The following JPH3 variants were observed in gnomAD, a reference collection of about 807,000 sequenced individuals.
JPH3 encodes the protein junctophilin-3.
JPH3 carries 11 observed loss-of-function variants against 59.6 expected under a neutral mutation model. The ratio of observed to expected loss-of-function variants is 0.18; its 90% CI spans 0.12 to 0.31. JPH3 has a LOEUF of 0.31. JPH3 is among the 10% of genes least tolerant of loss of function. The pLI is 1.00. For missense variants in JPH3, 1,202 were observed against 1,105.7 expected (o/e 1.09, Z -1.24); for synonymous variants, 673 against 483.6 (o/e 1.39, Z -5.14).
intron 1 of JPH3, among the ~76,000 whole-genome samples, chr16:87,613,335 G>T (rs1020002731): frequency 1.3e-5 from 2 of 151,210 alleles, no homozygotes; most frequent in African/African-American, 4.9e-5. Context: ...TCCTGACCTC[G>T]TGAACCGCCC....
intron 1 of JPH3, among the ~76,000 whole-genome samples, chr16:87,631,280 C>A (rs1474792940): frequency 2.0e-5 from 3 of 152,218 alleles, no homozygotes; most frequent in African/African-American, 7.2e-5. Context: ...GGGTGGAGCA[C>A]ATCCTGGAGT....
chr16:87,681,698 G>A (rs1049043877), intron 2 of JPH3, among the ~76,000 whole-genome samples: 1 of 152,128 alleles, frequency 6.6e-6, no homozygotes, highest in African/African-American at 2.4e-5. Context: ...GGTGCATGCG[G>A]TGATTGTTCC....
intron 1 of JPH3, among the ~76,000 whole-genome samples, chr16:87,621,340 G>C (rs1011426285): frequency 6.6e-6 from 1 of 152,158 alleles, no homozygotes; most frequent in East Asian, 1.9e-4. Flanking sequence ...GACGGAGTCC[G>C]GGGGAGGGGG....
At chr16:87,627,360 A>T (rs1215472726) in intron 1 of JPH3, among the ~76,000 whole-genome samples, 1 of 152,204 alleles carries the variant, frequency 6.6e-6, no homozygotes. Flanking sequence ...TATTGTAACG[A>T]TAACAGCAGC....
Position 87,635,726 on chromosome 16 carries a change from C to T in JPH3, c.383-8532C>T, listed in dbSNP as rs144888702. 2.1e-3 allele frequency among the ~76,000 whole-genome samples: 321 copies of T among 152,288 alleles called. 2 individuals carry two copies. Among genetic ancestry groups the T allele is most frequent in the African/African-American group, 7.1e-3 (295 of 41,558 alleles). On this transcript the variant is annotated intron_variant, in intron 1 of 4. Transcript: ENST00000284262. ...TCTGCGAGTCTGTGGTGGTTCTAGT[C>T]GGCGTTTCACGGGCAAGGTTTAGGG... is the stretch of plus-strand genomic sequence containing the variant.
At chr16:87,625,670 C>G (rs2031348349) in intron 1 of JPH3, among the ~76,000 whole-genome samples, 1 of 152,146 alleles carries the variant, frequency 6.6e-6, no homozygotes, top group Non-Finnish European at 1.5e-5. Flanking sequence ...GGGCCTTCAT[C>G]AAGCTGTAAT....
chr16:87,625,262 GGTGACA>G (rs1262609147), intron 1 of JPH3, among the ~76,000 whole-genome samples: 4 of 152,182 alleles, frequency 2.6e-5, no homozygotes, highest in African/African-American at 7.2e-5. Flanking sequence ...GAGGAAGTGG[GGTGACA>G]GTGACAGCTG....
At chr16:87,623,073 T>C (rs2150830263) in intron 1 of JPH3, among the ~76,000 whole-genome samples, 1 of 152,228 alleles carries the variant, frequency 6.6e-6, no homozygotes, top group East Asian at 1.9e-4. Flanking sequence ...GCCCCACAGA[T>C]TCTGAGGCAG....
At chr16:87,642,387 A>C (rs527932518) in intron 1 of JPH3, among the ~76,000 whole-genome samples, 16 of 152,340 alleles carry the variant, frequency 1.1e-4, no homozygotes. Context: ...TGTCCTCTGA[A>C]AAGAGAGGTC....
chr16:87,696,495 G>A, intron 4 of JPH3, 85 bp from the exon 5 acceptor site: 1 of 1,129,226 alleles, frequency 8.9e-7, no homozygotes, highest in Non-Finnish European at 1.3e-6. Context: ...TGCTAGCTTG[G>A]TGAAAAGACG....
chr16:87,692,791 G>A (rs1040323610), intron 4 of JPH3, among the ~76,000 whole-genome samples: 1 of 152,192 alleles, frequency 6.6e-6, no homozygotes, highest in African/African-American at 2.4e-5. Context: ...GGATGGCTGG[G>A]GAGACAGAAG....
rs115040283 is a variant in JPH3, at chr16:87,656,542, T to C, written c.1160+11507T>C. Among the ~76,000 whole-genome samples, 1,469 of 152,300 alleles carry C rather than the reference T, an allele frequency of 9.6e-3. 22 individuals carry two copies. Among genetic ancestry groups the C allele is most frequent in the African/African-American group, 0.034 (1,403 of 41,562 alleles). On this transcript the variant is annotated intron_variant, in intron 2 of 4. Coordinates refer to ENST00000284262, the MANE Select transcript of JPH3 (RefSeq NM_020655.4). The stretch of plus-strand genomic sequence containing the variant: ...ACTCGGCTCAGGGCCGGGCCCAGTT[T>C]CCAGGCTTGATCTTGCAGTGTTTGG...
chr16:87,638,386 G>A (rs1291921012), intron 1 of JPH3, among the ~76,000 whole-genome samples: 4 of 152,310 alleles, frequency 2.6e-5, no homozygotes, highest in East Asian at 1.9e-4. Context: ...TGCCTGGACC[G>A]TGGAGCACAG....
chr16:87,690,891 T>C (rs2033552568), intron 4 of JPH3, among the ~76,000 whole-genome samples: 1 of 152,174 alleles, frequency 6.6e-6, no homozygotes, highest in Non-Finnish European at 1.5e-5. Context: ...GATGACCGCT[T>C]GAGTGTCCTG....
intron 2 of JPH3, among the ~76,000 whole-genome samples, chr16:87,671,328 C>T (rs2033010300): frequency 6.6e-6 from 1 of 152,202 alleles, no homozygotes; most frequent in Admixed American, 6.5e-5. Flanking sequence ...CACACGCCAC[C>T]ACTGCCCTCT....
Position 87,690,490 on chromosome 16 carries a change from C to G in JPH3, c.2130C>G (p.Ser710=), listed in dbSNP as rs145017337. 1 of 1,486,148 alleles carries G rather than the reference C, an allele frequency of 6.7e-7. No homozygotes were observed. The highest frequency in any genetic ancestry group is 8.9e-7 in the Non-Finnish European group (1 of 1,119,448). 92.1% of individuals were successfully genotyped at this position (1,486,148 alleles called of 1,614,324 possible). The change falls in exon 4 of 5, where the codon TCC becomes TCG. Residue 710 remains serine, a synonymous_variant. Transcript: ENST00000284262. Reference sequence around the variant, plus strand: ...AATCCTTGCCTGTCGCTCTAGAGTCCGACGAGGAGAATGGGGATGAGCTCA... The same window carrying G: ...AATCCTTGCCTGTCGCTCTAGAGTCGGACGAGGAGAATGGGGATGAGCTCA... The part of the protein sequence containing the change: ...PQKSLPVALE[S]DEENGDELKS...
At chr16:87,630,614 C>G (rs929359204) in intron 1 of JPH3, among the ~76,000 whole-genome samples, 1 of 152,190 alleles carries the variant, frequency 6.6e-6, no homozygotes, top group Non-Finnish European at 1.5e-5. Context: ...CCTTCCCCTC[C>G]TCCTTAAAAT....
chr16:87,621,269 C>G (rs906983111), intron 1 of JPH3, among the ~76,000 whole-genome samples: 1 of 152,258 alleles, frequency 6.6e-6, no homozygotes, highest in African/African-American at 2.4e-5. Context: ...CCAGTGCCCC[C>G]ATCTGCTCTG....
At chr16:87,677,097 T>C in intron 2 of JPH3, among the ~76,000 whole-genome samples, 1 of 149,938 alleles carries the variant, frequency 6.7e-6, no homozygotes, top group Non-Finnish European at 1.5e-5. Flanking sequence ...AGGTGGAGCT[T>C]ACAGTGAGCT....
Sources: allele counts gnomAD v4.1 joint callset (sites outside exome capture counted in the v4.1 genomes callset), GRCh38; gene constraint gnomAD v4.1.1; transcripts MANE v1.5; gene names NCBI Gene and HGNC (gene_info 2026-07-23, HGNC 2026-07-21).